DDIAS: variants seen among roughly 807,000 people sequenced by gnomAD.
DDIAS encodes the protein DNA damage-induced apoptosis suppressor protein.
In DDIAS, 14 loss-of-function variants were observed where a neutral mutation model predicts 15.7. That is an observed-to-expected ratio of 0.89 (90% CI 0.59 to 1.39). The LOEUF is 1.39. Among genes scored for constraint, DDIAS ranks in the 40% most tolerant of loss-of-function variants. The pLI, the probability that DDIAS is intolerant of heterozygous loss-of-function variation, is 0.00. For synonymous variants in DDIAS, 355 were observed against 395.9 expected (o/e 0.90, Z 1.23); for missense variants, 1,035 against 1,130.9 (o/e 0.92, Z 1.22).
intron 3 of DDIAS, among the ~76,000 whole-genome samples, chr11:82,917,328 C>T (rs182551237): frequency 4.9e-4 from 73 of 149,702 alleles, no homozygotes; most frequent in East Asian, 2.0e-3. Context: ...TCCCCAAAGT[C>T]CATTGTATCA....
intron 2 of DDIAS, chr11:82,913,790 G>A: frequency 2.5e-6 from 1 of 395,866 alleles, no homozygotes; most frequent in Non-Finnish European, 4.9e-6. Context: ...TGAAATGTTT[G>A]GGTCCAGAAG....
In DDIAS at chr11:82,928,797, G is replaced by A; in HGVS notation, c.134G>A (p.Gly45Asp). ...VSKRSNCPKC[G>D]STGESGNANY... ...TCTAGGTCTAATTGTCCAAAATGTG[G>A]CTCTACTGGTGAATCTGGAAATGCC... Residue 45 changes from glycine (G) to aspartate (D), a missense_variant, in exon 4 of 6, where the codon GGC becomes GAC. Transcript: ENST00000533655. The A allele has an allele frequency of 6.2e-7, 1 of 1,613,238 alleles. No homozygotes were observed. The highest frequency in any genetic ancestry group is 8.5e-7 in the Non-Finnish European group (1 of 1,179,730).
At chr11:82,903,105 T>C (rs1860356651) in intron 1 of DDIAS, among the ~76,000 whole-genome samples, 1 of 152,180 alleles carries the variant, frequency 6.6e-6, no homozygotes, top group South Asian at 2.1e-4. Context: ...GCTTGACATG[T>C]TAATGTTCAA....
chr11:82,923,843 G>A (rs770577654), intron 3 of DDIAS, among the ~76,000 whole-genome samples: 12 of 152,036 alleles, frequency 7.9e-5, no homozygotes, highest in African/African-American at 1.4e-4. Flanking sequence ...AAGTTAGTTC[G>A]GTCCTTCATA....
chr11:82,932,572 AT>A lies in DDIAS; in HGVS notation c.1237del (p.Trp413GlyfsTer10), dbSNP rs1398483368. Reference sequence around the variant, plus strand: ...CAGTTCCCAGGATGGTGACCCTCAAATTTGGGATGATCTGCCATTCTCTGAA... The same window carrying A: ...CAGTTCCCAGGATGGTGACCCTCAAATTGGGATGATCTGCCATTCTCTGAA... Reference protein sequence around the residue: ...ASSSQDGDPQIWDDLPFSESL... With the variant: ...ASSSQDGDPQXWDDLPFSESL... On this transcript the variant is annotated frameshift_variant, in exon 6 of 6. Transcript: ENST00000533655. LOFTEE classifies it low-confidence loss of function (END_TRUNC). 2 of 1,614,002 alleles carry A rather than the reference AT, an allele frequency of 1.2e-6. No homozygotes were observed. Among genetic ancestry groups the A allele is most frequent in the Non-Finnish European group, 1.7e-6 (2 of 1,180,016 alleles).
At position 82,928,882 on chromosome 11, in the gene DDIAS, T is replaced by C. The variant is rs1368443081; in HGVS notation, c.219T>C (p.Thr73=). Residue 73 remains threonine, a synonymous_variant, in exon 4 of 6, where the codon ACT becomes ACC. Transcript: ENST00000533655. ...VAESNKLFVI[T]VFGSCLDTFF... is the part of the protein sequence containing the mutation. ...AATCAAACAAATTGTTTGTTATTAC[T>C]GTATTTGGAAGTTGCTTAGATACAT... 6.2e-7 allele frequency: 1 copy of C among 1,613,170 alleles called. No homozygotes were observed. Among genetic ancestry groups the C allele is most frequent in the African/African-American group, 1.3e-5 (1 of 75,038 alleles).
At position 82,929,031 on chromosome 11, in the gene DDIAS, T is replaced by C. The variant is rs1378538846; in HGVS notation, c.275+93T>C. 3 of 1,372,520 alleles carry C rather than the reference T, an allele frequency of 2.2e-6. No homozygotes were observed. The African/African-American group carries it at 4.4e-5, about 20-fold the overall frequency. The allele number at this position is 1,372,520 out of a possible 1,614,324, so 85.0% of individuals were successfully genotyped here. A position where few individuals can be genotyped will look rare whatever the true frequency, so the allele number is the denominator to read the frequency against. On this transcript the variant is annotated intron_variant, in intron 4 of 5. Transcript: ENST00000533655. ...AATATGCATTTTTGTAGAAAGATAA[T>C]CATTCAACCCCAGATTGTCAATTCC... is the stretch of plus-strand genomic sequence containing the variant.
At chr11:82,923,819 A>G (rs1481667834) in intron 3 of DDIAS, among the ~76,000 whole-genome samples, 1 of 152,214 alleles carries the variant, frequency 6.6e-6, no homozygotes, top group Non-Finnish European at 1.5e-5. Context: ...CATCTATAAA[A>G]AAAAATGTGT....
chr11:82,915,312 G>A (rs1428797722), intron 3 of DDIAS, among the ~76,000 whole-genome samples: 1 of 152,166 alleles, frequency 6.6e-6, no homozygotes, highest in Non-Finnish European at 1.5e-5. Flanking sequence ...TTATCATGGT[G>A]CTCAGATGCA....
chr11:82,933,264 A>G lies in DDIAS; in HGVS notation c.1926A>G (p.Pro642=). The change falls in exon 6 of 6, where the codon CCA becomes CCG. Residue 642 remains proline (P), a synonymous_variant. Coordinates refer to ENST00000533655, the MANE Select transcript of DDIAS (RefSeq NM_145018.4). ...CTTTAGAAACTCTTTGCAATAGTCC[A>G]AATAGAAGTACAAATACATTGAAAG... ...TYPLETLCNS[P]NRSTNTLKEM... is the part of the protein sequence containing the mutation. 6.2e-7 allele frequency: 1 copy of G among 1,612,996 alleles called. No individual in the cohort carries two copies. Among genetic ancestry groups the G allele is most frequent in the Non-Finnish European group, 8.5e-7 (1 of 1,179,722 alleles).
chr11:82,932,736 G>A lies in DDIAS; in HGVS notation c.1398G>A (p.Gln466=). The A allele has an allele frequency of 6.2e-7, 1 of 1,614,020 alleles. No homozygotes were observed. Among genetic ancestry groups the A allele is most frequent in the Non-Finnish European group, 8.5e-7 (1 of 1,180,016 alleles). Residue 466 remains glutamine (Q), a synonymous_variant, in exon 6 of 6, where the codon CAG becomes CAA. Transcript: ENST00000533655. ...ACAGCAGGTTATCTGTGACTCCCCA[G>A]AGAACTACTGGAGCCCTGCATACAC... ...ADHSRLSVTP[Q]RTTGALHTPP...
Position 82,932,764 on chromosome 11 carries a change from C to G in DDIAS, c.1426C>G (p.Pro476Ala), listed in dbSNP as rs1421080893. ...QRTTGALHTP[P>A]IALRSSQVIV... is the part of the protein sequence containing the mutation. ...AACTACTGGAGCCCTGCATACACCA[C>G]CTATAGCTTTAAGATCATCACAAGT... The change falls in exon 6 of 6, where the codon CCT becomes GCT. Residue 476 changes from proline to alanine, a missense_variant. Coordinates refer to ENST00000533655, the MANE Select transcript of DDIAS (RefSeq NM_145018.4). The G allele has an allele frequency of 6.2e-7, 1 of 1,614,010 alleles. No homozygotes were observed. Among genetic ancestry groups the G allele is most frequent in the Non-Finnish European group, 8.5e-7 (1 of 1,180,012 alleles).
intron 3 of DDIAS, among the ~76,000 whole-genome samples, chr11:82,922,857 A>G (rs544669071): frequency 6.6e-6 from 1 of 152,246 alleles, no homozygotes; most frequent in African/African-American, 2.4e-5. Flanking sequence ...GCTGTTGTTC[A>G]GATTCTTTTG....
At chr11:82,909,716 A>T (rs1201665557) in intron 1 of DDIAS, among the ~76,000 whole-genome samples, 1 of 152,174 alleles carries the variant, frequency 6.6e-6, no homozygotes, top group Non-Finnish European at 1.5e-5. Context: ...ATTGCCATGT[A>T]GCCTAAGGTG....
intron 3 of DDIAS, among the ~76,000 whole-genome samples, chr11:82,920,929 T>C (rs1301394348): frequency 1.3e-5 from 2 of 152,248 alleles, no homozygotes; most frequent in Non-Finnish European, 1.5e-5. Flanking sequence ...ATTTTTTCTT[T>C]GTTGACTTTC....
In DDIAS at chr11:82,931,906, T is replaced by A. The variant is rs375366256; in HGVS notation, c.568T>A (p.Phe190Ile). Residue 190 changes from phenylalanine to isoleucine, a missense_variant, in exon 6 of 6, where the codon TTC (phenylalanine) becomes ATC (isoleucine). Transcript: ENST00000533655. ...YFHQLLQTFN[F>I]RKLQCDSQAP... ...CCATCAACTTTTGCAGACTTTTAATTTCAGGAAACTTCAGTGTGACTCTCA... is the reference window on the plus strand; with the variant it reads ...CCATCAACTTTTGCAGACTTTTAATATCAGGAAACTTCAGTGTGACTCTCA... 26 of 1,614,060 alleles carry A rather than the reference T, an allele frequency of 1.6e-5. No individual in the cohort carries two copies. In the African/African-American group the frequency reaches 2.1e-4, roughly 13 times the overall value.
At position 82,933,012 on chromosome 11, in the gene DDIAS, T is replaced by C. The variant is rs1861033315; in HGVS notation, c.1674T>C (p.Thr558=). The change falls in exon 6 of 6, where the codon ACT becomes ACC. Residue 558 remains threonine (T), a synonymous_variant. Transcript: ENST00000533655. ...AAACAATAGTTACTCTTAAGAAGAC[T>C]ATCAGAATCTCACCACACAGGGAGA... ...DLETIVTLKK[T]IRISPHRESD... 1.2e-6 allele frequency: 2 copies of C among 1,609,420 alleles called. No homozygotes were observed. Among genetic ancestry groups the C allele is most frequent in the African/African-American group, 1.3e-5 (1 of 75,056 alleles).
At chr11:82,928,577 T>C (rs572933210) in intron 3 of DDIAS, among the ~76,000 whole-genome samples, 200 bp from the exon 4 acceptor site, 1 of 152,230 alleles carries the variant, frequency 6.6e-6, no homozygotes, top group African/African-American at 2.4e-5. Context: ...CTTGGGGCTG[T>C]TTAATTTAAA....
intron 3 of DDIAS, among the ~76,000 whole-genome samples, chr11:82,922,310 A>C (rs569443662): frequency 8.5e-5 from 13 of 152,274 alleles, no homozygotes; most frequent in African/African-American, 3.1e-4. Context: ...ATGTTTTCCA[A>C]ACTTTTAGAT....
Sources: gnomAD v4.1 joint callset for allele counts (sites outside exome capture counted in the v4.1 genomes callset) on GRCh38, gnomAD v4.1.1 for gene constraint, MANE v1.5 for transcripts, NCBI Gene and HGNC (gene_info 2026-07-23, HGNC 2026-07-21) for gene names.